LRRK2: variants seen among roughly 807,000 people sequenced by gnomAD.
The protein encoded by LRRK2 is leucine rich repeat kinase 2.
LRRK2 carries 203 observed loss-of-function variants against 302.6 expected under a neutral mutation model. The observed-to-expected ratio is 0.67, with a 90% confidence interval of 0.60 to 0.75. The LOEUF is 0.75. Ranked by LOEUF, LRRK2 falls within the 30% of genes least tolerant of loss-of-function variation. LRRK2 has a pLI of 0.00. For synonymous variants in LRRK2, 1,066 were observed against 1,031.9 expected, an observed-to-expected ratio of 1.03 and a Z score of -0.63; for missense variants, 2,830 against 2,951.0, an observed-to-expected ratio of 0.96 and a Z score of 0.95.
At chr12:40,295,208 C>G (rs889717461) in intron 22 of LRRK2, among the ~76,000 whole-genome samples, 4 of 151,544 alleles carry the variant, frequency 2.6e-5, no homozygotes, top group African/African-American at 9.7e-5. Flanking sequence ...AGTTTTCTTT[C>G]TTTCTTTTTT....
chr12:40,246,560 A>G (rs532909497), intron 7 of LRRK2, among the ~76,000 whole-genome samples: 12 of 152,200 alleles, frequency 7.9e-5, no homozygotes, highest in Admixed American at 1.3e-4. Flanking sequence ...GTCTAAACCA[A>G]CTGCTTCTAG....
At chr12:40,301,489 T>A (rs1944622513) in intron 25 of LRRK2, among the ~76,000 whole-genome samples, 1 of 152,082 alleles carries the variant, frequency 6.6e-6, no homozygotes. Context: ...CTTATGAGTG[T>A]TTTCCATACA....
intron 38 of LRRK2, 37 bp downstream of exon 38, chr12:40,323,343 A>G (rs755764851): frequency 1.9e-6 from 3 of 1,549,924 alleles, no homozygotes; most frequent in Admixed American, 1.7e-5. Flanking sequence ...AAAAATTAGG[A>G]TGTAATTTTC....
intron 18 of LRRK2, among the ~76,000 whole-genome samples, chr12:40,279,790 T>G (rs186914279): frequency 8.9e-4 from 136 of 152,366 alleles, no homozygotes; most frequent in African/African-American, 2.9e-3. Flanking sequence ...AACGAAATCT[T>G]AAATCCAAGG....
chr12:40,283,052 A>T (rs140440757), intron 18 of LRRK2, among the ~76,000 whole-genome samples: 1 of 151,872 alleles, frequency 6.6e-6, no homozygotes, highest in African/African-American at 2.4e-5. Flanking sequence ...TTTAAAAAAA[A>T]GATTAGAAAT....
At chr12:40,261,670 A>G (rs1380240416) in intron 13 of LRRK2, among the ~76,000 whole-genome samples, 1 of 152,128 alleles carries the variant, frequency 6.6e-6, no homozygotes, top group Non-Finnish European at 1.5e-5. Flanking sequence ...TATGGTAGCA[A>G]TACTCCAGTA....
chr12:40,244,652 A>C (rs1014043387), intron 7 of LRRK2, among the ~76,000 whole-genome samples: 1 of 145,884 alleles, frequency 6.9e-6, no homozygotes, highest in Non-Finnish European at 1.5e-5. Context: ...CGATTCATAG[A>C]TTCTGGATAA....
At chr12:40,253,065 T>C in intron 11 of LRRK2, 49 bp downstream of exon 11, 1 of 1,226,416 alleles carries the variant, frequency 8.2e-7, no homozygotes, top group Non-Finnish European at 1.2e-6. Flanking sequence ...ATTTTTGTGG[T>C]ATTTTTAATT....
At chr12:40,297,299 C>T (rs1396734198) in intron 23 of LRRK2, among the ~76,000 whole-genome samples, 1 of 152,080 alleles carries the variant, frequency 6.6e-6, no homozygotes, top group Non-Finnish European at 1.5e-5. Flanking sequence ...TGAGACATGC[C>T]GGCATTCAAT....
intron 6 of LRRK2, among the ~76,000 whole-genome samples, chr12:40,242,701 T>C (rs2136439290): frequency 6.7e-6 from 1 of 149,222 alleles, no homozygotes; most frequent in Non-Finnish European, 1.5e-5. Context: ...GCAAAAGTCA[T>C]TCTCCAATGG....
At chr12:40,325,218 C>T (rs770681986) in intron 38 of LRRK2, among the ~76,000 whole-genome samples, 56 of 152,204 alleles carry the variant, frequency 3.7e-4, no homozygotes, top group Non-Finnish European at 6.6e-4. Context: ...ACCTGGGAGG[C>T]GGAGGTTGCA....
chr12:40,332,560 T>C (rs1945742359), intron 39 of LRRK2, among the ~76,000 whole-genome samples: 1 of 152,188 alleles, frequency 6.6e-6, no homozygotes, highest in Non-Finnish European at 1.5e-5. Context: ...GTAAATTTTG[T>C]AACCTTTAAA....
At chr12:40,361,227 T>C (rs1946696287) in intron 47 of LRRK2, among the ~76,000 whole-genome samples, 1 of 76,158 alleles carries the variant, frequency 1.3e-5, no homozygotes, top group African/African-American at 3.6e-5. Flanking sequence ...TGAATGAGGA[T>C]TTTTATTTCT....
chr12:40,232,469 A>G, intron 3 of LRRK2, 86 bp downstream of exon 3: 1 of 960,166 alleles, frequency 1.0e-6, no homozygotes, highest in Non-Finnish European at 1.7e-6. Context: ...TGTGTTTGCA[A>G]TCCAAGGCTA....
At chr12:40,233,165 C>T (rs1360084877) in intron 3 of LRRK2, among the ~76,000 whole-genome samples, 2 of 152,044 alleles carry the variant, frequency 1.3e-5, no homozygotes, top group Admixed American at 6.5e-5. Flanking sequence ...TGCAGTGAGC[C>T]GAGATTGCAC....
chr12:40,366,544 T>C, intron 49 of LRRK2: 1 of 163,256 alleles, frequency 6.1e-6, no homozygotes. Flanking sequence ...TGCAAATTTG[T>C]TGAATAAATT....
At chr12:40,248,650 T>C (rs1942117211) in intron 7 of LRRK2, among the ~76,000 whole-genome samples, 1 of 152,248 alleles carries the variant, frequency 6.6e-6, no homozygotes, top group Non-Finnish European at 1.5e-5. Context: ...CTATGTAATC[T>C]AATTATGGGC....
rs1946927535 is a variant in LRRK2, at chr12:40,367,891, GTTA to G, written c.*132_*134del. ...AAATAGCTCGTGTGTATGAAGGAAT[GTTA>G]TTATTTTTAATTTAAATATATGTAA... On this transcript the variant is annotated 3_prime_UTR_variant, in exon 51 of 51. Transcript: ENST00000298910. 2 of 747,908 alleles carry G rather than the reference GTTA, an allele frequency of 2.7e-6. No individual in the cohort carries two copies. The highest frequency in any genetic ancestry group is 1.8e-5 in the African/African-American group (1 of 54,806). The allele number at this position is 747,908 out of a possible 1,614,324, so 46.3% of individuals were successfully genotyped here. A position where few individuals can be genotyped will look rare whatever the true frequency, so the allele number is the denominator to read the frequency against.
intron 41 of LRRK2, among the ~76,000 whole-genome samples, chr12:40,342,382 G>A (rs1011704120): frequency 6.6e-6 from 1 of 151,934 alleles, no homozygotes; most frequent in Non-Finnish European, 1.5e-5. Context: ...ATTGAATGGT[G>A]GTAACATAAA....
Sources: allele counts gnomAD v4.1 joint callset (sites outside exome capture counted in the v4.1 genomes callset), GRCh38; gene constraint gnomAD v4.1.1; transcripts MANE v1.5; gene names NCBI Gene and HGNC (gene_info 2026-07-23, HGNC 2026-07-21).